SBNO1: variants seen among roughly 807,000 people sequenced by gnomAD.
The protein encoded by SBNO1 is strawberry notch homolog 1, also known as protein strawberry notch homolog 1.
Under a neutral mutation model 173.6 loss-of-function variants are expected in SBNO1, and 23 were observed. The ratio of observed to expected loss-of-function variants is 0.13; its 90% CI spans 0.10 to 0.19. The LOEUF (loss-of-function observed/expected upper bound fraction) is 0.19, where lower values mean the gene tolerates loss of function less well. Ranked by LOEUF, SBNO1 falls within the 10% of genes least tolerant of loss-of-function variation. SBNO1 has a pLI of 1.00. For synonymous variants in SBNO1, 632 were observed against 571.5 expected (o/e 1.11, Z -1.51); for missense variants, 1,238 against 1,671.2 (o/e 0.74, Z 4.52).
chr12:123,358,742 C>CAAAAAAAAAAAAAA (rs1164585887), intron 1 of SBNO1, among the ~76,000 whole-genome samples: 2 of 78,400 alleles, frequency 2.6e-5, no homozygotes, highest in African/African-American at 1.1e-4. Flanking sequence ...GACTCCGTCT[C>CAAAAAAAAAAAAAA]AAAAAAAAAA....
chr12:123,317,141 A>G, intron 21 of SBNO1, 80 bp downstream of exon 21: 1 of 1,479,358 alleles, frequency 6.8e-7, no homozygotes, highest in African/African-American at 1.4e-5. Context: ...CCCGGCCTAA[A>G]CCTAGGTTTT....
At chr12:123,351,492 T>C (rs1414131495) in intron 1 of SBNO1, among the ~76,000 whole-genome samples, 2 of 152,110 alleles carry the variant, frequency 1.3e-5, no homozygotes. Context: ...CCAAGTGTGG[T>C]GGTGCACGCC....
At position 123,340,363 on chromosome 12, in the gene SBNO1, C is replaced by T. The variant is rs141698319; in HGVS notation, c.651+625G>A. On this transcript the variant is annotated intron_variant, in intron 5 of 31. Transcript: ENST00000602398. ...TCGGAGGCTGAGGCGGGCAGATTAC[C>T]TGAGGTCAGGAGTTCGAGACCATCC... Among the ~76,000 whole-genome samples the T allele has an allele frequency of 3.8e-3, 577 of 152,078 alleles. 2 individuals are homozygous for T. Among genetic ancestry groups the T allele is most frequent in the African/African-American group, 0.013 (542 of 41,484 alleles).
At position 123,291,189 on chromosome 12, in the gene SBNO1, G is replaced by A. The variant is rs2048506068; in HGVS notation, c.*4719C>T. The A allele has an allele frequency of 1.3e-5, 2 of 152,160 alleles. No homozygotes were observed. Among genetic ancestry groups the A allele is most frequent in the Non-Finnish European group, 2.9e-5 (2 of 68,038 alleles). The allele number at this position is 152,160 out of a possible 1,614,324, so 9.4% of individuals were successfully genotyped here. On this transcript the variant is annotated 3_prime_UTR_variant, in exon 32 of 32. Transcript: ENST00000602398. ...ATTACTCATCATTTGTAGGTTAAAA[G>A]CATAGGCCCGACTTCTTAAATAAAC...
intron 30 of SBNO1, 151 bp downstream of exon 30, chr12:123,302,673 C>T: frequency 1.5e-6 from 1 of 662,114 alleles, no homozygotes; most frequent in African/African-American, 1.8e-5. Flanking sequence ...TAGTCTACAA[C>T]TGTCCAGTAA....
At chr12:123,345,718 T>C (rs1411293588) in intron 3 of SBNO1, 148 bp from the exon 4 acceptor site, 6 of 722,608 alleles carry the variant, frequency 8.3e-6, no homozygotes, top group Non-Finnish European at 1.3e-5. Flanking sequence ...CATTCTGTCA[T>C]GCAGGCTGAA....
intron 9 of SBNO1, among the ~76,000 whole-genome samples, chr12:123,329,139 G>A (rs1021152618): frequency 2.0e-5 from 3 of 152,150 alleles, no homozygotes; most frequent in African/African-American, 7.2e-5. Context: ...CAACACTTTG[G>A]GAGGTCAAGG....
At position 123,323,835 on chromosome 12, in the gene SBNO1, T is replaced by C. The variant is rs371734492; in HGVS notation, c.1974-4A>G. ...AATGAGTGACTGCAACACACCTCTG[T>C]AGGAGAGAAACAGTGACAATTACTG... On this transcript the variant is annotated splice_region_variant and splice_polypyrimidine_tract_variant and intron_variant, in intron 15 of 31. Coordinates refer to ENST00000602398, the MANE Select transcript of SBNO1 (RefSeq NM_001167856.3). The C allele has an allele frequency of 3.8e-6, 6 of 1,588,070 alleles. No homozygotes were observed. Among genetic ancestry groups the C allele is most frequent in the Admixed American group, 3.7e-5 (2 of 53,462 alleles).
At chr12:123,358,869 T>A (rs549929468) in intron 1 of SBNO1, among the ~76,000 whole-genome samples, 1 of 152,166 alleles carries the variant, frequency 6.6e-6, no homozygotes, top group African/African-American at 2.4e-5. Flanking sequence ...CCCAACCCTG[T>A]TCCAGTACTT....
At chr12:123,343,872 T>A (rs1292367968) in intron 4 of SBNO1, among the ~76,000 whole-genome samples, 1 of 152,148 alleles carries the variant, frequency 6.6e-6, no homozygotes, top group African/African-American at 2.4e-5. Flanking sequence ...GCTTGACAGT[T>A]TCTCAGGCTT....
chr12:123,306,876 ATCAG>A (rs2048928138), intron 28 of SBNO1, among the ~76,000 whole-genome samples: 1 of 151,920 alleles, frequency 6.6e-6, no homozygotes, highest in Non-Finnish European at 1.5e-5. Flanking sequence ...CTACAGTTCA[ATCAG>A]TATTTCAAAA....
chr12:123,326,039 G>C (rs1870576049), intron 14 of SBNO1, 113 bp downstream of exon 14: 4 of 661,026 alleles, frequency 6.1e-6, no homozygotes, highest in Admixed American at 5.9e-5. Flanking sequence ...GTATTTTTTA[G>C]AAGTTTTACT....
chr12:123,352,080 CCCA>C (rs1873943240), intron 1 of SBNO1, among the ~76,000 whole-genome samples: 1 of 1,684 alleles, frequency 5.9e-4, no homozygotes. Flanking sequence ...TGGATTTTTA[CCCA>C]TTTTATAGGG....
At chr12:123,296,106 A>G in intron 31 of SBNO1, 56 bp from the exon 32 acceptor site, 1 of 1,119,574 alleles carries the variant, frequency 8.9e-7, no homozygotes, top group Non-Finnish European at 1.3e-6. Flanking sequence ...CACACTGTAC[A>G]GCTTCACAGC....
chr12:123,364,610 C>T, intron 1 of SBNO1, 91 bp downstream of exon 1: 1 of 953,476 alleles, frequency 1.0e-6, no homozygotes, highest in Non-Finnish European at 1.2e-6. Flanking sequence ...GTCCCCCCAG[C>T]CTGGCCCCGC....
chr12:123,336,320 A>G, intron 6 of SBNO1, 75 bp downstream of exon 6: 1 of 988,232 alleles, frequency 1.0e-6, no homozygotes. Context: ...TATATGGAAA[A>G]AAACAAAACA....
chr12:123,334,323 A>G (rs2139015501), intron 6 of SBNO1, 110 bp from the exon 7 acceptor site: 4 of 710,982 alleles, frequency 5.6e-6, no homozygotes, highest in Non-Finnish European at 9.2e-6. Context: ...AAATAATTAA[A>G]AAGTATTCAC....
At chr12:123,296,389 A>T (rs2048595536) in intron 31 of SBNO1, among the ~76,000 whole-genome samples, 1 of 121,852 alleles carries the variant, frequency 8.2e-6, no homozygotes, top group Admixed American at 8.4e-5. Flanking sequence ...AGACTACAGA[A>T]CAGAAGTTGC....
intron 24 of SBNO1, among the ~76,000 whole-genome samples, chr12:123,312,449 C>T (rs538277462): frequency 1.2e-4 from 18 of 152,280 alleles, no homozygotes; most frequent in South Asian, 4.2e-4. Context: ...CCTTGGCTCA[C>T]ATCTGTAATC....
Sources: gnomAD v4.1 joint callset for allele counts (sites outside exome capture counted in the v4.1 genomes callset) on GRCh38, gnomAD v4.1.1 for gene constraint, MANE v1.5 for transcripts, NCBI Gene and HGNC (gene_info 2026-07-23, HGNC 2026-07-21) for gene names.